HECA: variants seen among roughly 807,000 people sequenced by gnomAD.
The protein encoded by HECA is HECA ribonucleoprotein granule regulator.
Under a neutral mutation model 37.6 loss-of-function variants are expected in HECA, and 13 were observed. The observed-to-expected ratio is 0.35, with a 90% CI of 0.23 to 0.55. The LOEUF is 0.55. Among genes scored for constraint, HECA ranks in the 20% least tolerant of loss-of-function variants. The probability of loss-of-function intolerance (pLI) is 0.90; values close to 1 mark genes in which losing one functional copy is unlikely to be tolerated. For synonymous variants in HECA, 307 were observed against 291.5 expected (o/e 1.05, Z -0.54); for missense variants, 527 against 701.9 (o/e 0.75, Z 2.82).
intron 1 of HECA, among the ~76,000 whole-genome samples, chr6:139,159,455 C>G (rs564258506): frequency 5.3e-5 from 8 of 151,580 alleles, no homozygotes; most frequent in African/African-American, 1.9e-4. Flanking sequence ...GTCTTTTTTT[C>G]CTCCTTTAAA....
chr6:139,171,554 TTGTAGTA>T (rs1298875577), intron 2 of HECA, among the ~76,000 whole-genome samples: 2 of 152,364 alleles, frequency 1.3e-5, no homozygotes, highest in Non-Finnish European at 2.9e-5. Flanking sequence ...GCCGTCTTAT[TTGTAGTA>T]AGAAAATGTA....
intron 1 of HECA, among the ~76,000 whole-genome samples, chr6:139,158,637 C>T (rs1774750174): frequency 6.7e-6 from 1 of 148,608 alleles, no homozygotes; most frequent in South Asian, 2.1e-4. Context: ...TGCCACTGTA[C>T]TCCGGTGTGA....
chr6:139,171,670 C>T (rs535067073), intron 2 of HECA, among the ~76,000 whole-genome samples: 2 of 152,010 alleles, frequency 1.3e-5, no homozygotes, highest in Non-Finnish European at 2.9e-5. Flanking sequence ...GTCACCCTGG[C>T]TGGCTGGAAA....
intron 3 of HECA, among the ~76,000 whole-genome samples, chr6:139,175,831 C>T (rs2114497744): frequency 6.6e-6 from 1 of 152,306 alleles, no homozygotes; most frequent in East Asian, 1.9e-4. Flanking sequence ...CACACCCAGC[C>T]TCTTGGTATT....
At chr6:139,168,332 A>G (rs1270898369) in intron 2 of HECA, among the ~76,000 whole-genome samples, 1 of 152,110 alleles carries the variant, frequency 6.6e-6, no homozygotes, top group African/African-American at 2.4e-5. Context: ...TATTGAGCCA[A>G]GAAGTATAGG....
intron 1 of HECA, among the ~76,000 whole-genome samples, chr6:139,142,792 A>G (rs900959966): frequency 1.3e-5 from 2 of 152,198 alleles, no homozygotes; most frequent in Admixed American, 6.5e-5. Flanking sequence ...TACTAAAAAT[A>G]CAAAAATTAG....
At chr6:139,146,790 C>T (rs796646507) in intron 1 of HECA, among the ~76,000 whole-genome samples, 24 of 152,328 alleles carry the variant, frequency 1.6e-4, no homozygotes, top group African/African-American at 5.1e-4. Context: ...CTTCCAGCTC[C>T]TTGGATCCGT....
chr6:139,179,056 A>C lies in HECA; in HGVS notation c.*1951A>C, dbSNP rs1319810797. ...GGAAGAAATGCATAAAATGCCTATA[A>C]GAAGTAGAAAGTCATTGAACTGACA... On this transcript the variant is annotated 3_prime_UTR_variant, in exon 4 of 4. Transcript: ENST00000367658. 1 of 152,210 alleles carries C rather than the reference A, an allele frequency of 6.6e-6. No individual in the cohort carries two copies. The highest frequency in any genetic ancestry group is 2.1e-4 in the South Asian group (1 of 4,830). 9.4% of individuals were successfully genotyped at this position (152,210 alleles called of 1,614,324 possible). A position where few individuals can be genotyped will look rare whatever the true frequency, so the allele number is the denominator to read the frequency against.
chr6:139,171,386 C>T lies in HECA; in HGVS notation c.1313-2999C>T, dbSNP rs368552865. On this transcript the variant is annotated intron_variant, in intron 2 of 3. Coordinates refer to ENST00000367658, the MANE Select transcript of HECA (RefSeq NM_016217.3). Reference sequence around the variant, plus strand: ...TAGACATACATAAATAGATAATGCGCACATTAGATGTGCCCACAAAGATAC... The same window carrying T: ...TAGACATACATAAATAGATAATGCGTACATTAGATGTGCCCACAAAGATAC... Among the ~76,000 whole-genome samples the T allele has an allele frequency of 7.2e-5, 11 of 152,274 alleles. No homozygotes were observed. In the East Asian group the frequency reaches 1.9e-3, roughly 27 times the overall value.
chr6:139,160,116 C>T lies in HECA; in HGVS notation c.272-6168C>T, dbSNP rs1774776372. 2.0e-5 allele frequency among the ~76,000 whole-genome samples: 3 copies of T among 152,128 alleles called. No individual in the cohort carries two copies. The South Asian group carries it at 6.2e-4, about 32-fold the overall frequency. The stretch of plus-strand genomic sequence containing the variant: ...GACTGCAGCCTAGCTACCCTGTTAT[C>T]CAGACTTGAAACTGAGATTTTTGCC... On this transcript the variant is annotated intron_variant, in intron 1 of 3. Coordinates refer to ENST00000367658, the MANE Select transcript of HECA (RefSeq NM_016217.3).
intron 1 of HECA, among the ~76,000 whole-genome samples, chr6:139,150,101 G>A (rs1208758988): frequency 6.6e-6 from 1 of 152,222 alleles, no homozygotes; most frequent in African/African-American, 2.4e-5. Flanking sequence ...GCCATATGGA[G>A]TGGAAGTTTG....
At chr6:139,174,750 C>T (rs1775028601) in intron 3 of HECA, 1 of 574,166 alleles carries the variant, frequency 1.7e-6, no homozygotes, top group African/African-American at 1.9e-5. Context: ...GAAGCATTTC[C>T]AGTATATTAG....
At chr6:139,143,631 G>A (rs1774543319) in intron 1 of HECA, among the ~76,000 whole-genome samples, 1 of 152,192 alleles carries the variant, frequency 6.6e-6, no homozygotes, top group South Asian at 2.1e-4. Flanking sequence ...GGGAGGCTGA[G>A]GCAGGCAGAT....
Position 139,180,276 on chromosome 6 carries a change from T to TAACA in HECA, c.*3172_*3175dup, listed in dbSNP as rs1242862822. ...TTATTAGGTATTTGAACTCTAAAAC[T>TAACA]AACAGATAAGACAGATATGTACCTT... On this transcript the variant is annotated 3_prime_UTR_variant, in exon 4 of 4. Transcript: ENST00000367658. 3.3e-5 allele frequency: 5 copies of TAACA among 152,464 alleles called. No homozygotes were observed. The highest frequency in any genetic ancestry group is 6.5e-5 in the Admixed American group (1 of 15,276). 9.4% of individuals were successfully genotyped at this position (152,464 alleles called of 1,614,324 possible). A position where few individuals can be genotyped will look rare whatever the true frequency, so the allele number is the denominator to read the frequency against.
chr6:139,136,282 A>AG (rs1362254334), intron 1 of HECA, among the ~76,000 whole-genome samples: 8 of 151,562 alleles, frequency 5.3e-5, no homozygotes, highest in Non-Finnish European at 1.0e-4. Context: ...AAAAAAAAAA[A>AG]AAAAGAAAAG....
chr6:139,166,160 C>T (rs1259360519), intron 1 of HECA, 124 bp from the exon 2 acceptor site: 2 of 769,272 alleles, frequency 2.6e-6, no homozygotes, highest in Non-Finnish European at 4.3e-6. Flanking sequence ...TTTAAAGGAA[C>T]CCTGGAACTG....
intron 1 of HECA, among the ~76,000 whole-genome samples, chr6:139,145,813 G>A (rs1002707134): frequency 6.6e-6 from 1 of 152,132 alleles, no homozygotes; most frequent in Non-Finnish European, 1.5e-5. Context: ...GATGAAAGAT[G>A]CGATAGTTTG....
At chr6:139,135,867 G>A (rs1363090434) in intron 1 of HECA, among the ~76,000 whole-genome samples, 200 bp downstream of exon 1, 6 of 151,670 alleles carry the variant, frequency 4.0e-5, no homozygotes, top group Non-Finnish European at 8.8e-5. Flanking sequence ...CCTGCCCGGT[G>A]TCCGCGCGGG....
chr6:139,176,111 T>TA lies in HECA; in HGVS notation c.1468-826dup, dbSNP rs1287837338. On this transcript the variant is annotated intron_variant, in intron 3 of 3. Coordinates refer to ENST00000367658, the MANE Select transcript of HECA (RefSeq NM_016217.3). The surrounding 1 kb of genome is among the most constrained non-coding windows in gnomAD (Gnocchi z 4.5). Reference sequence around the variant, plus strand: ...ATGTTGTTCAGAGAGATTACGTAGTTAAAAGAGTGTTTATCTCAGGTTACA... The same window carrying TA: ...ATGTTGTTCAGAGAGATTACGTAGTTAAAAAGAGTGTTTATCTCAGGTTACA... Among the ~76,000 whole-genome samples, 4 of 152,204 alleles carry TA rather than the reference T, an allele frequency of 2.6e-5. No homozygotes were observed. Among genetic ancestry groups the TA allele is most frequent in the Non-Finnish European group, 2.9e-5 (2 of 68,028 alleles).
Sources: gnomAD v4.1 joint callset for allele counts (sites outside exome capture counted in the v4.1 genomes callset) on GRCh38, gnomAD v4.1.1 for gene constraint, Gnocchi (gnomAD v3.1) non-coding constraint, MANE v1.5 for transcripts, NCBI Gene and HGNC (gene_info 2026-07-23, HGNC 2026-07-21) for gene names.